DUSP26: variants seen among roughly 807,000 people sequenced by gnomAD.
The protein encoded by DUSP26 is dual specificity protein phosphatase 26.
A neutral mutation model predicts 20.0 loss-of-function variants in DUSP26; 12 were observed. The observed-to-expected ratio is 0.60, with a 90% CI of 0.38 to 0.97. The LOEUF is 0.97. Ranked by LOEUF, DUSP26 falls within the 50% of genes least tolerant of loss-of-function variation. DUSP26 has a pLI of 0.00. For synonymous variants in DUSP26, 120 were observed against 118.8 expected (o/e 1.01, Z -0.06); for missense variants, 230 against 294.0 (o/e 0.78, Z 1.59).
rs115010441 is a variant in DUSP26, at chr8:33,594,235, T to C, written c.222-488A>G. ...GTCCTGTGAGCCATGGTTGAAGGTA[T>C]AGGGGATGTTTTGCCTGGAGAAGAG... On this transcript the variant is annotated intron_variant, in intron 2 of 3. Coordinates refer to ENST00000256261, the MANE Select transcript of DUSP26 (RefSeq NM_024025.3). Among the ~76,000 whole-genome samples the C allele has an allele frequency of 4.7e-3, 716 of 152,170 alleles. 5 individuals are homozygous for C. Among genetic ancestry groups the C allele is most frequent in the African/African-American group, 0.016 (670 of 41,536 alleles).
intron 1 of DUSP26, among the ~76,000 whole-genome samples, chr8:33,598,973 G>A (rs1364546372): frequency 6.6e-6 from 1 of 152,238 alleles, no homozygotes; most frequent in Non-Finnish European, 1.5e-5. Flanking sequence ...CCAGTGCCAA[G>A]AGAAACCAAG....
chr8:33,592,369 G>A (rs1420241475), intron 3 of DUSP26, among the ~76,000 whole-genome samples, 157 bp from the exon 4 acceptor site: 5 of 151,276 alleles, frequency 3.3e-5, no homozygotes, highest in Non-Finnish European at 5.9e-5. Context: ...TCAGGAGTTC[G>A]AGACCAGCCT....
chr8:33,597,310 A>T lies in DUSP26; in HGVS notation c.206T>A (p.Leu69His), dbSNP rs758873163. ...CNHADEVWPGLYLGDQDMANN... is the reference protein window; with the variant it reads ...CNHADEVWPGHYLGDQDMANN... The stretch of plus-strand genomic sequence containing the variant: ...CGATACATACTGGTCTCCGAGATAG[A>T]GGCCTGGCCAGACCTCGTCGGCATG... Residue 69 changes from leucine (L) to histidine (H), a missense_variant, in exon 2 of 4, where the codon CTC becomes CAC. Transcript: ENST00000256261. 2 of 1,612,466 alleles carry T rather than the reference A, an allele frequency of 1.2e-6. No individual in the cohort carries two copies. The highest frequency in any genetic ancestry group is 4.5e-5 in the East Asian group (2 of 44,856).
chr8:33,595,994 T>A (rs1047481790), intron 2 of DUSP26, among the ~76,000 whole-genome samples: 2 of 152,042 alleles, frequency 1.3e-5, no homozygotes, highest in African/African-American at 4.8e-5. Context: ...GTGAAAAAAA[T>A]CCTTGTAGGC....
chr8:33,597,437 G>A lies in DUSP26; in HGVS notation c.79C>T (p.Arg27Ter), dbSNP rs751947778. 1.3e-5 allele frequency: 21 copies of A among 1,613,982 alleles called. No individual in the cohort carries two copies. The highest frequency in any genetic ancestry group is 4.5e-5 in the East Asian group (2 of 44,886). Residue 27 changes from arginine to a stop codon, truncating the protein, a stop_gained, in exon 2 of 4, where the codon CGA becomes TGA. Coordinates refer to ENST00000256261, the MANE Select transcript of DUSP26 (RefSeq NM_024025.3). LOFTEE classifies it high-confidence loss of function. ...FSRSSSRSPVRTRGTLEEMPT... is the reference protein window; with the variant it reads ...FSRSSSRSPV The stretch of plus-strand genomic sequence containing the variant: ...ATCTCCTCCAGGGTCCCTCGAGTTC[G>A]AACAGGAGACCTTGAGCTACTCCGG...
chr8:33,592,052 C>T lies in DUSP26; in HGVS notation c.597G>A (p.Leu199=). 6.2e-7 allele frequency: 1 copy of T among 1,614,062 alleles called. No individual in the cohort carries two copies. Among genetic ancestry groups the T allele is most frequent in the South Asian group, 1.1e-5 (1 of 91,062 alleles). Residue 199 remains leucine (L), a synonymous_variant, in exon 4 of 4, where the codon CTG becomes CTA. Coordinates refer to ENST00000256261, the MANE Select transcript of DUSP26 (RefSeq NM_024025.3). The stretch of plus-strand genomic sequence containing the variant: ...CCTGCCGCAGCCTGCGGTCCAGGGC[C>T]AGGAGCTGCCTCAGGAAGCCCCGGT... ...IPNRGFLRQL[L]ALDRRLRQGL... is the part of the protein sequence containing the mutation.
At chr8:33,592,241 G>C in intron 3 of DUSP26, 29 bp from the exon 4 acceptor site, 3 of 1,543,000 alleles carry the variant, frequency 1.9e-6, no homozygotes, top group Non-Finnish European at 2.6e-6. Flanking sequence ...AGAGAGCTTT[G>C]AGACTGCTTG....
chr8:33,592,083 A>G lies in DUSP26; in HGVS notation c.566T>C (p.Ile189Thr). 6.2e-7 allele frequency: 1 copy of G among 1,613,968 alleles called. No homozygotes were observed. The highest frequency in any genetic ancestry group is 2.2e-5 in the East Asian group (1 of 44,860). Reference protein sequence around the residue: ...IKKVKDHRGIIPNRGFLRQLL... With the variant: ...IKKVKDHRGITPNRGFLRQLL... ...CTGCCTCAGGAAGCCCCGGTTGGGG[A>G]TGATGCCTCGGTGGTCTTTGACTTT... Residue 189 changes from isoleucine to threonine, a missense_variant, in exon 4 of 4, where the codon ATC becomes ACC. Transcript: ENST00000256261.
chr8:33,594,478 G>T (rs575551468), intron 2 of DUSP26, among the ~76,000 whole-genome samples: 47 of 151,564 alleles, frequency 3.1e-4, no homozygotes, highest in African/African-American at 1.1e-3. Context: ...TGTAGTCCCA[G>T]CTACTCAGGA....
At chr8:33,593,283 AAAG>A (rs1357572978) in intron 3 of DUSP26, among the ~76,000 whole-genome samples, 1 of 152,144 alleles carries the variant, frequency 6.6e-6, no homozygotes, top group Non-Finnish European at 1.5e-5. Context: ...AAAAAACAAA[AAAG>A]AAAAAGTCGA....
intron 3 of DUSP26, among the ~76,000 whole-genome samples, chr8:33,592,930 A>G (rs1012740156): frequency 6.6e-6 from 1 of 152,194 alleles, no homozygotes; most frequent in African/African-American, 2.4e-5. Flanking sequence ...GGCTGAGTGC[A>G]GTGGCACAAT....
In DUSP26 at chr8:33,599,680, G is replaced by A. The variant is rs1811227482; in HGVS notation, c.-92C>T. On this transcript the variant is annotated 5_prime_UTR_variant, in exon 1 of 4. Transcript: ENST00000256261. ...GCCCCTCTACCTCTTTGCAAGCGCT[G>A]CGCTGGGCCTCAGTCCGAAAGGCGG... is the stretch of plus-strand genomic sequence containing the variant. The A allele has an allele frequency of 6.6e-6, 1 of 152,272 alleles. No homozygotes were observed. Among genetic ancestry groups the A allele is most frequent in the African/African-American group, 2.4e-5 (1 of 41,468 alleles). The allele number at this position is 152,272 out of a possible 1,614,324, so 9.4% of individuals were successfully genotyped here. A position where few individuals can be genotyped will look rare whatever the true frequency, so the allele number is the denominator to read the frequency against.
At chr8:33,594,775 G>A (rs1046011602) in intron 2 of DUSP26, among the ~76,000 whole-genome samples, 1 of 149,688 alleles carries the variant, frequency 6.7e-6, no homozygotes, top group African/African-American at 2.5e-5. Context: ...CCAGGCTGAA[G>A]TGCAATGGTG....
chr8:33,592,190 A>G lies in DUSP26; in HGVS notation c.459T>C (p.Ala153=), dbSNP rs1811037044. The change falls in exon 4 of 4, where the codon GCT becomes GCC. Residue 153 remains alanine, a synonymous_variant. Transcript: ENST00000256261. ...GGGTGGCGGATCGGCTCACGCCCAC[A>G]GCACAATGCACCAGGATCTTCCCTG... ...QPGGKILVHC[A]VGVSRSATLV... The G allele has an allele frequency of 6.2e-7, 1 of 1,611,868 alleles. No homozygotes were observed. Among genetic ancestry groups the G allele is most frequent in the African/African-American group, 1.3e-5 (1 of 74,838 alleles).
At chr8:33,594,547 G>A (rs546865769) in intron 2 of DUSP26, among the ~76,000 whole-genome samples, 3 of 151,088 alleles carry the variant, frequency 2.0e-5, no homozygotes, top group African/African-American at 4.9e-5. Flanking sequence ...AGCCGAGATC[G>A]CACCACTGCA....
intron 3 of DUSP26, 78 bp from the exon 4 acceptor site, chr8:33,592,290 GC>G: frequency 7.2e-7 from 1 of 1,384,458 alleles, no homozygotes; most frequent in Non-Finnish European, 9.7e-7. Context: ...GTGACATGGG[GC>G]CGGGCATGGT....
chr8:33,597,547 G>A lies in DUSP26; in HGVS notation c.-32C>T. 6.3e-7 allele frequency: 1 copy of A among 1,576,580 alleles called. No individual in the cohort carries two copies. Among genetic ancestry groups the A allele is most frequent in the Non-Finnish European group, 8.6e-7 (1 of 1,160,820 alleles). ...GGTGGCAGAAACCGTGGCAGCTGCAGGAGTGGCTGTGGTGATGATGGGTTC... is the reference window on the plus strand; with the variant it reads ...GGTGGCAGAAACCGTGGCAGCTGCAAGAGTGGCTGTGGTGATGATGGGTTC... On this transcript the variant is annotated 5_prime_UTR_variant, in exon 2 of 4. Transcript: ENST00000256261.
chr8:33,597,743 G>A, intron 1 of DUSP26, 152 bp from the exon 2 acceptor site: 1 of 483,956 alleles, frequency 2.1e-6, no homozygotes, highest in South Asian at 3.1e-5. Flanking sequence ...TCTTCAAGCT[G>A]CAGCAGCTCC....
chr8:33,594,996 A>T lies in DUSP26; in HGVS notation c.222-1249T>A, dbSNP rs180837637. Among the ~76,000 whole-genome samples, 216 of 152,240 alleles carry T rather than the reference A, an allele frequency of 1.4e-3. 1 individual carries two copies. The highest frequency in any genetic ancestry group is 5.1e-3 in the African/African-American group (213 of 41,554). On this transcript the variant is annotated intron_variant, in intron 2 of 3. Transcript: ENST00000256261. ...CTAGGCCTCCCAAAGTGCTGGGATT[A>T]TAGGCGTGAGCCACTGTGCCTGGCC...
Sources: allele counts gnomAD v4.1 joint callset (sites outside exome capture counted in the v4.1 genomes callset), GRCh38; gene constraint gnomAD v4.1.1; transcripts MANE v1.5; gene names NCBI Gene and HGNC (gene_info 2026-07-23, HGNC 2026-07-21).